Variants in PRKAA2 observed in about 807,000 individuals in gnomAD.
PRKAA2 encodes the protein 5'-AMP-activated protein kinase catalytic subunit alpha-2.
Under a neutral mutation model 56.3 loss-of-function variants are expected in PRKAA2, and 40 were observed. The ratio of observed to expected loss-of-function variants is 0.71; its 90% CI spans 0.55 to 0.92. The LOEUF is 0.92. Among genes scored for constraint, PRKAA2 ranks in the 40% least tolerant of loss-of-function variants. The pLI, the probability that PRKAA2 is intolerant of heterozygous loss-of-function variation, is 0.00. For synonymous variants in PRKAA2, 214 were observed against 234.2 expected, an observed-to-expected ratio of 0.91 and a Z score of 0.79; for missense variants, 542 against 686.9, an observed-to-expected ratio of 0.79 and a Z score of 2.36.
At chr1:56,681,611 G>A (rs1243246051) in intron 2 of PRKAA2, among the ~76,000 whole-genome samples, 4 of 152,164 alleles carry the variant, frequency 2.6e-5, no homozygotes, top group Non-Finnish European at 5.9e-5. Context: ...TTTAAATAGG[G>A]AATCCTTTCC....
In PRKAA2 at chr1:56,706,134, G is replaced by C; in HGVS notation, c.1336G>C (p.Val446Leu). Residue 446 changes from valine (V) to leucine (L), a missense_variant, in exon 8 of 9, where the codon GTG (valine) becomes CTG (leucine). Coordinates refer to ENST00000371244, the MANE Select transcript of PRKAA2 (RefSeq NM_006252.4). Reference protein sequence around the residue: ...YHLRVRRKNPVTGNYVKMSLQ... With the variant: ...YHLRVRRKNPLTGNYVKMSLQ... ...TCTTCGTGTAAGAAGAAAAAATCCA[G>C]TGACTGGCAATTACGTGAAAATGAG... The C allele has an allele frequency of 6.2e-7, 1 of 1,612,998 alleles. No individual in the cohort carries two copies. Among genetic ancestry groups the C allele is most frequent in the Non-Finnish European group, 8.5e-7 (1 of 1,179,094 alleles).
intron 2 of PRKAA2, among the ~76,000 whole-genome samples, chr1:56,677,145 C>G (rs1312358934): frequency 3.9e-5 from 6 of 152,156 alleles, no homozygotes; most frequent in South Asian, 2.1e-4. Context: ...AATGGGACAC[C>G]TCATTTGAGG....
intron 5 of PRKAA2, 68 bp from the exon 6 acceptor site, chr1:56,695,867 A>G: frequency 7.5e-7 from 1 of 1,326,256 alleles, no homozygotes; most frequent in South Asian, 1.2e-5. Flanking sequence ...ACCTATATAT[A>G]GAAGTAGGGT....
At chr1:56,686,571 G>T (rs1170817055) in intron 2 of PRKAA2, among the ~76,000 whole-genome samples, 1 of 152,190 alleles carries the variant, frequency 6.6e-6, no homozygotes, top group Non-Finnish European at 1.5e-5. Flanking sequence ...TTACAATCAT[G>T]ACAGAAGGCA....
rs749153323 is a variant in PRKAA2, at chr1:56,707,658, A to T, written c.1604A>T (p.His535Leu). The part of the protein sequence containing the change: ...LSSVSPRLGS[H>L]TMDFFEMCAS... ...TCAGTTTCACCTCGCCTGGGCAGTC[A>T]CACCATGGATTTTTTTGAAATGTGT... The change falls in exon 9 of 9, where the codon CAC becomes CTC. Residue 535 changes from histidine to leucine, a missense_variant. Physicochemically the swap from His to Leu is moderately conservative, Grantham distance 99. Around this residue, in one of 5 missense-constraint regions of PRKAA2, gnomAD observed 158 missense variants for 166.1 expected, o/e 0.95. Transcript: ENST00000371244. 12 of 1,613,904 alleles carry T rather than the reference A, an allele frequency of 7.4e-6. No homozygotes were observed. The highest frequency in any genetic ancestry group is 1.0e-5 in the Non-Finnish European group (12 of 1,179,820).
intron 1 of PRKAA2, among the ~76,000 whole-genome samples, chr1:56,661,367 A>G (rs111319634): frequency 5.9e-5 from 9 of 151,818 alleles, no homozygotes; most frequent in South Asian, 2.1e-4. Context: ...CTTGTTTCCA[A>G]CCTCCACCCC....
intron 5 of PRKAA2, 37 bp from the exon 6 acceptor site, chr1:56,695,898 T>G: frequency 6.4e-7 from 1 of 1,561,590 alleles, no homozygotes; most frequent in East Asian, 2.2e-5. Flanking sequence ...AAAGTGATTC[T>G]TGCATTTCAG....
chr1:56,689,797 G>C (rs935587816), intron 2 of PRKAA2, among the ~76,000 whole-genome samples: 6 of 151,810 alleles, frequency 4.0e-5, no homozygotes, highest in Non-Finnish European at 8.8e-5. Context: ...GGTGTAAGTT[G>C]TAGTTTTTGG....
At chr1:56,651,383 A>G (rs569742009) in intron 1 of PRKAA2, among the ~76,000 whole-genome samples, 2 of 152,302 alleles carry the variant, frequency 1.3e-5, no homozygotes, top group South Asian at 4.1e-4. Flanking sequence ...TCCCAGAGTA[A>G]TCCTCTAAGT....
chr1:56,658,379 C>G (rs942815879), intron 1 of PRKAA2, among the ~76,000 whole-genome samples: 1 of 151,930 alleles, frequency 6.6e-6, no homozygotes, highest in Non-Finnish European at 1.5e-5. Flanking sequence ...ATAAGAGAGA[C>G]AAAAAGAAAA....
Position 56,711,903 on chromosome 1 carries a change from A to G in PRKAA2, c.*4190A>G, listed in dbSNP as rs1392988287. The G allele has an allele frequency of 6.6e-6, 1 of 152,144 alleles. No individual in the cohort carries two copies. The highest frequency in any genetic ancestry group is 1.5e-5 in the Non-Finnish European group (1 of 68,028). 9.4% of individuals were successfully genotyped at this position (152,144 alleles called of 1,614,324 possible). Reference sequence around the variant, plus strand: ...TGTTTCTGTTTTGATTTGGTGAGGCATGTCAGAGGTATATACTTGAATATT... The same window carrying G: ...TGTTTCTGTTTTGATTTGGTGAGGCGTGTCAGAGGTATATACTTGAATATT... On this transcript the variant is annotated 3_prime_UTR_variant, in exon 9 of 9. Transcript: ENST00000371244.
intron 6 of PRKAA2, among the ~76,000 whole-genome samples, chr1:56,696,555 T>C (rs916737188): frequency 7.9e-5 from 12 of 152,194 alleles, no homozygotes; most frequent in Non-Finnish European, 1.6e-4. Flanking sequence ...TCTTAAATTA[T>C]GATATCAGGG....
Position 56,645,440 on chromosome 1 carries a change from T to A in PRKAA2, c.53T>A (p.Leu18Gln). ...CGGGTGAAGATCGGACACTACGTGC[T>A]GGGCGACACGCTGGGCGTCGGCACC... is the stretch of plus-strand genomic sequence containing the variant. The part of the protein sequence containing the change: ...DGRVKIGHYV[L>Q]GDTLGVGTFG... The change falls in exon 1 of 9, where the codon CTG becomes CAG. Residue 18 changes from leucine (L) to glutamine (Q), a missense_variant. Transcript: ENST00000371244. The A allele has an allele frequency of 6.6e-7, 1 of 1,516,826 alleles. No homozygotes were observed. Among genetic ancestry groups the A allele is most frequent in the Non-Finnish European group, 8.9e-7 (1 of 1,126,966 alleles). The allele number at this position is 1,516,826 out of a possible 1,614,324, so 94.0% of individuals were successfully genotyped here. A position where few individuals can be genotyped will look rare whatever the true frequency, so the allele number is the denominator to read the frequency against.
chr1:56,675,460 T>A (rs1012122245), intron 2 of PRKAA2, among the ~76,000 whole-genome samples: 1 of 152,118 alleles, frequency 6.6e-6, no homozygotes, highest in Admixed American at 6.6e-5. Flanking sequence ...GGAAACTGCA[T>A]TATCTAAAAA....
chr1:56,681,131 G>T (rs952789457), intron 2 of PRKAA2, among the ~76,000 whole-genome samples: 1 of 152,198 alleles, frequency 6.6e-6, no homozygotes, highest in African/African-American at 2.4e-5. Flanking sequence ...TTTTTCATGT[G>T]TCTGTTGGCT....
At chr1:56,659,499 A>T (rs1053397230) in intron 1 of PRKAA2, among the ~76,000 whole-genome samples, 3 of 151,304 alleles carry the variant, frequency 2.0e-5, no homozygotes, top group Non-Finnish European at 3.0e-5. Flanking sequence ...TCTGTCTCAA[A>T]AAAAAAAAAA....
At chr1:56,691,568 A>G (rs1644228568) in intron 3 of PRKAA2, 81 bp downstream of exon 3, 1 of 1,130,378 alleles carries the variant, frequency 8.8e-7, no homozygotes, top group East Asian at 2.7e-5. Context: ...ATGCAAAGAT[A>G]TCTTCAAGGT....
intron 1 of PRKAA2, among the ~76,000 whole-genome samples, chr1:56,645,695 G>T (rs1363632409): frequency 2.0e-5 from 3 of 152,056 alleles, no homozygotes; most frequent in African/African-American, 7.2e-5. Context: ...AGAGGGCGGG[G>T]GTGTGAGCTG....
chr1:56,691,307 A>T, intron 2 of PRKAA2, 87 bp from the exon 3 acceptor site: 1 of 811,614 alleles, frequency 1.2e-6, no homozygotes, highest in Non-Finnish European at 1.9e-6. Context: ...AAACATTGAA[A>T]TATAAAATTG....
Sources: allele counts gnomAD v4.1 joint callset (sites outside exome capture counted in the v4.1 genomes callset), GRCh38; gene constraint gnomAD v4.1.1; regional missense constraint gnomAD v4.1.1; transcripts MANE v1.5; gene names NCBI Gene and HGNC (gene_info 2026-07-23, HGNC 2026-07-21).